The following CHRNA7 variants were observed in gnomAD, a reference collection of about 807,000 sequenced individuals.
The protein encoded by CHRNA7 is cholinergic receptor nicotinic alpha 7 subunit.
Under a neutral mutation model 48.0 loss-of-function variants are expected in CHRNA7, and 17 were observed. That is an observed-to-expected ratio of 0.35 (90% CI 0.24 to 0.53). The LOEUF (loss-of-function observed/expected upper bound fraction) is 0.53. Ranked by LOEUF, CHRNA7 falls within the 20% of genes least tolerant of loss-of-function variation. The pLI, the probability that CHRNA7 is intolerant of heterozygous loss-of-function variation, is 0.92. For missense variants in CHRNA7, 155 were observed against 577.7 expected, an observed-to-expected ratio of 0.27 and a Z score of 7.50; for synonymous variants, 75 against 242.3, an observed-to-expected ratio of 0.31 and a Z score of 6.41.
intron 4 of CHRNA7, among the ~76,000 whole-genome samples, chr15:32,143,676 C>G (rs931357173): frequency 6.6e-6 from 1 of 152,046 alleles, no homozygotes; most frequent in Non-Finnish European, 1.5e-5. Context: ...ATATAATGGC[C>G]TTCTTTGTCT....
intron 4 of CHRNA7, among the ~76,000 whole-genome samples, chr15:32,116,692 A>G (rs1377329918): frequency 6.6e-6 from 1 of 152,138 alleles, no homozygotes; most frequent in Non-Finnish European, 1.5e-5. Flanking sequence ...ATGCCCCTAC[A>G]CCGTGCAGAG....
chr15:32,150,430 G>A (rs1306602932), intron 4 of CHRNA7, among the ~76,000 whole-genome samples: 2 of 152,162 alleles, frequency 1.3e-5, no homozygotes, highest in Non-Finnish European at 2.9e-5. Context: ...TCTGGTGCGG[G>A]TTAGATGCCA....
chr15:32,138,763 G>GTTTTGTTTTGTTTTGTTTTA (rs2051321629), intron 4 of CHRNA7, among the ~76,000 whole-genome samples: 2 of 151,710 alleles, frequency 1.3e-5, no homozygotes, highest in Admixed American at 1.3e-4. Context: ...GTTTTGTTTT[G>GTTTTGTTTTGTTTTGTTTTA]TTTTGTTTGA....
intron 2 of CHRNA7, among the ~76,000 whole-genome samples, chr15:32,055,497 T>TGA (rs1245581301): frequency 6.6e-6 from 1 of 151,750 alleles, no homozygotes; most frequent in South Asian, 2.1e-4. Flanking sequence ...AGAGTGGGTG[T>TGA]GAGAGAGAGA....
At chr15:32,045,541 GT>G (rs749524106) in intron 2 of CHRNA7, among the ~76,000 whole-genome samples, 57 of 144,990 alleles carry the variant, frequency 3.9e-4, no homozygotes, top group Middle Eastern at 3.6e-3. Context: ...TCTTCAATAA[GT>G]TTTTTTTTTT....
intron 4 of CHRNA7, among the ~76,000 whole-genome samples, chr15:32,140,086 C>A (rs1417584342): frequency 1.3e-5 from 2 of 150,470 alleles, no homozygotes; most frequent in East Asian, 3.9e-4. Flanking sequence ...CCCCACCCCC[C>A]GAGAGGCCCC....
intron 2 of CHRNA7, among the ~76,000 whole-genome samples, chr15:32,060,619 G>A (rs1334521453): frequency 1.3e-5 from 2 of 152,120 alleles, no homozygotes; most frequent in East Asian, 1.9e-4. Context: ...AATCTTATCC[G>A]TAATCACCAT....
intron 4 of CHRNA7, among the ~76,000 whole-genome samples, chr15:32,148,188 C>G (rs1178677131): frequency 6.6e-6 from 1 of 152,158 alleles, no homozygotes; most frequent in Admixed American, 6.5e-5. Context: ...GACAGAGTGC[C>G]TGGATTTCTT....
Position 32,169,000 on chromosome 15 carries a change from T to C in CHRNA7, c.*542T>C, listed in dbSNP as rs2052329807. On this transcript the variant is annotated 3_prime_UTR_variant, in exon 10 of 10. Transcript: ENST00000306901. ...TTATTTTTATTTCTATCAAAGACGGTAGAGAGAAACAGCTTGATGCTGTTT... is the reference window on the plus strand; with the variant it reads ...TTATTTTTATTTCTATCAAAGACGGCAGAGAGAAACAGCTTGATGCTGTTT... The C allele has an allele frequency of 7.3e-6, 1 of 137,650 alleles. No individual in the cohort carries two copies. The highest frequency in any genetic ancestry group is 1.6e-5 in the Non-Finnish European group (1 of 63,252). 8.5% of individuals were successfully genotyped at this position (137,650 alleles called of 1,614,324 possible). A position where few individuals can be genotyped will look rare whatever the true frequency, so the allele number is the denominator to read the frequency against.
At chr15:32,051,333 C>G (rs1244347160) in intron 2 of CHRNA7, among the ~76,000 whole-genome samples, 2 of 152,178 alleles carry the variant, frequency 1.3e-5, no homozygotes, top group Non-Finnish European at 1.5e-5. Context: ...CTTTGTTTAC[C>G]TAAGCGAGCC....
At chr15:32,039,954 C>T (rs1470407726) in intron 2 of CHRNA7, among the ~76,000 whole-genome samples, 1 of 152,120 alleles carries the variant, frequency 6.6e-6, no homozygotes, top group East Asian at 1.9e-4. Flanking sequence ...ACATTAAGGA[C>T]TGTTATGTCT....
At chr15:32,052,372 G>A (rs974439943) in intron 2 of CHRNA7, among the ~76,000 whole-genome samples, 2 of 152,176 alleles carry the variant, frequency 1.3e-5, no homozygotes, top group Non-Finnish European at 2.9e-5. Context: ...AGTAGGGAGT[G>A]TAGTGGTGGT....
chr15:32,056,167 C>G (rs1303512027), intron 2 of CHRNA7, among the ~76,000 whole-genome samples: 2 of 151,912 alleles, frequency 1.3e-5, no homozygotes, highest in Non-Finnish European at 2.9e-5. Flanking sequence ...TTAGTGTGGC[C>G]TAGTTTAGAA....
intron 3 of CHRNA7, among the ~76,000 whole-genome samples, chr15:32,108,531 G>A (rs560066193): frequency 6.6e-6 from 1 of 152,280 alleles, no homozygotes; most frequent in African/African-American, 2.4e-5. Context: ...TGTTTGTAGG[G>A]CCTTATTCCA....
chr15:32,117,058 C>T (rs1595466540), intron 4 of CHRNA7, among the ~76,000 whole-genome samples: 1 of 152,112 alleles, frequency 6.6e-6, no homozygotes, highest in Non-Finnish European at 1.5e-5. Context: ...CCTGGGGGAG[C>T]CAACCCAGGA....
intron 4 of CHRNA7, among the ~76,000 whole-genome samples, chr15:32,133,851 C>T (rs1310602974): frequency 1.3e-5 from 2 of 152,146 alleles, no homozygotes; most frequent in Non-Finnish European, 2.9e-5. Context: ...GAGAAGTCCC[C>T]CTCCGGCCAG....
chr15:32,089,240 C>T (rs1415351954), intron 2 of CHRNA7, among the ~76,000 whole-genome samples: 1 of 152,028 alleles, frequency 6.6e-6, no homozygotes, highest in Non-Finnish European at 1.5e-5. Context: ...GCTCTGCTCT[C>T]GCTTTTGGTG....
intron 4 of CHRNA7, among the ~76,000 whole-genome samples, chr15:32,122,990 A>G (rs1268063277): frequency 6.6e-6 from 1 of 152,176 alleles, no homozygotes; most frequent in Non-Finnish European, 1.5e-5. Flanking sequence ...ATTTTGTTGA[A>G]CTGAACTTTC....
chr15:32,083,457 C>A (rs1222676698), intron 2 of CHRNA7, among the ~76,000 whole-genome samples: 1 of 151,972 alleles, frequency 6.6e-6, no homozygotes, highest in African/African-American at 2.4e-5. Context: ...TATTCTGTTA[C>A]AGCAACACAA....
Sources: allele counts gnomAD v4.1 joint callset (sites outside exome capture counted in the v4.1 genomes callset), GRCh38; gene constraint gnomAD v4.1.1; transcripts MANE v1.5; gene names NCBI Gene and HGNC (gene_info 2026-07-23, HGNC 2026-07-21).